Variants in TLK1 observed in about 807,000 individuals in gnomAD.
TLK1 encodes tousled like kinase 1.
TLK1 carries 24 observed loss-of-function variants against 105.3 expected under a neutral mutation model. That is an observed-to-expected ratio of 0.23 (90% confidence interval 0.17 to 0.32). The LOEUF is 0.32. Ranked by LOEUF, TLK1 falls within the 10% of genes least tolerant of loss-of-function variation. TLK1 has a pLI of 1.00. For missense variants in TLK1, 558 were observed against 910.5 expected (o/e 0.61, Z 4.98); for synonymous variants, 321 against 310.4 (o/e 1.03, Z -0.36).
intron 3 of TLK1, among the ~76,000 whole-genome samples, chr2:171,080,544 A>AAATAATAATAATAATAATAATAATAAT (rs71008747): frequency 4.1e-5 from 6 of 145,030 alleles, no homozygotes; most frequent in African/African-American, 1.5e-4. Context: ...AGATACACTA[A>AAATAATAATAATAATAATAATAATAAT]AATAATAATA....
Position 171,007,069 on chromosome 2 carries a change from A to G in TLK1, c.1417-6T>C. 1 of 1,586,970 alleles carries G rather than the reference A, an allele frequency of 6.3e-7. No homozygotes were observed. The highest frequency in any genetic ancestry group is 2.2e-5 in the East Asian group (1 of 44,628). ...TGTTCATAAAGGTCAAAAGCCTAGG[A>G]TTTCAAGTCAAAAACAATTAAGATG... On this transcript the variant is annotated splice_region_variant and splice_polypyrimidine_tract_variant and intron_variant, in intron 14 of 20. Coordinates refer to ENST00000431350, the MANE Select transcript of TLK1 (RefSeq NM_012290.5).
chr2:171,128,474 TAGAA>T (rs1690961351), intron 1 of TLK1, among the ~76,000 whole-genome samples: 1 of 152,170 alleles, frequency 6.6e-6, no homozygotes, highest in Non-Finnish European at 1.5e-5. Flanking sequence ...ATCTGTCACT[TAGAA>T]AGCATTCAAT....
At chr2:171,164,905 G>A (rs1162104874), upstream of TLK1, among the ~76,000 whole-genome samples, 2 of 152,142 alleles carry the variant, frequency 1.3e-5, no homozygotes, top group Admixed American at 6.5e-5. Flanking sequence ...AGGATCACTT[G>A]AGCCTAGGAG....
chr2:171,028,429 C>G, intron 11 of TLK1, 24 bp from the exon 12 acceptor site: 1 of 1,482,642 alleles, frequency 6.7e-7, no homozygotes, highest in Non-Finnish European at 9.4e-7. Context: ...AATTTTAATT[C>G]TACATATTGA....
intron 3 of TLK1, among the ~76,000 whole-genome samples, chr2:171,064,389 GC>G (rs1687894834): frequency 6.6e-6 from 1 of 151,942 alleles, no homozygotes; most frequent in Admixed American, 6.6e-5. Flanking sequence ...TAGTTCGACA[GC>G]TTTTAAAAAA....
chr2:171,003,187 G>A (rs1363282869), intron 18 of TLK1, among the ~76,000 whole-genome samples: 14 of 148,780 alleles, frequency 9.4e-5, no homozygotes, highest in Non-Finnish European at 1.9e-4. Context: ...GGCAGGAAAA[G>A]GGTGTGGACC....
At chr2:171,055,749 A>G (rs1459952712) in intron 6 of TLK1, among the ~76,000 whole-genome samples, 1 of 152,068 alleles carries the variant, frequency 6.6e-6, no homozygotes, top group Non-Finnish European at 1.5e-5. Context: ...GTACAAAATG[A>G]GTAAAACAAA....
At chr2:171,080,820 A>T (rs964876761) in intron 3 of TLK1, among the ~76,000 whole-genome samples, 18 of 150,702 alleles carry the variant, frequency 1.2e-4, no homozygotes, top group African/African-American at 4.4e-4. Flanking sequence ...TTACTGTCCC[A>T]CCTCAGCCTC....
At chr2:171,078,343 G>A (rs1002160982) in intron 3 of TLK1, among the ~76,000 whole-genome samples, 8 of 152,102 alleles carry the variant, frequency 5.3e-5, no homozygotes, top group African/African-American at 1.9e-4. Flanking sequence ...TTTGAGACCA[G>A]CCTGGCCAAC....
chr2:171,090,617 T>G (rs2105489012), intron 2 of TLK1, among the ~76,000 whole-genome samples: 1 of 152,362 alleles, frequency 6.6e-6, no homozygotes, highest in East Asian at 1.9e-4. Context: ...GTATTCACTT[T>G]CTAAAATCAT....
At chr2:171,063,153 C>T (rs1289133332) in intron 3 of TLK1, among the ~76,000 whole-genome samples, 8 of 152,116 alleles carry the variant, frequency 5.3e-5, no homozygotes, top group South Asian at 4.1e-4. Context: ...CTAGACCAGC[C>T]TGGCCAACAT....
rs767071929 is a variant in TLK1, at chr2:171,117,855, C to T, written c.142G>A (p.Ala48Thr). 3.1e-6 allele frequency: 5 copies of T among 1,604,134 alleles called. No individual in the cohort carries two copies. The highest frequency in any genetic ancestry group is 2.2e-5 in the East Asian group (1 of 44,798). Residue 48 changes from alanine to threonine, a missense_variant and splice_region_variant, in exon 2 of 21, where the codon GCA becomes ACA. Ala to Thr is a moderately conservative substitution (Grantham distance 58). Around this residue, in one of 5 missense-constraint regions of TLK1, gnomAD observed 104 missense variants for 116.0 expected, o/e 0.90. Coordinates refer to ENST00000431350, the MANE Select transcript of TLK1 (RefSeq NM_012290.5). Reference sequence around the variant, plus strand: ...TCCAGACTATGAAGCTCATCCATTGCACCTATTAAGAAAAAAAAATATATA... The same window carrying T: ...TCCAGACTATGAAGCTCATCCATTGTACCTATTAAGAAAAAAAAATATATA... ...TPPSGRPREG[A>T]MDELHSLDPR...
At chr2:171,055,019 TGTTA>T (rs1401190523) in intron 7 of TLK1, 60 bp downstream of exon 7, 6 of 906,734 alleles carry the variant, frequency 6.6e-6, no homozygotes, top group African/African-American at 1.8e-5. Context: ...ACATCTTAGT[TGTTA>T]GTAAGTTAGT....
At chr2:171,072,408 G>C (rs1481562013) in intron 3 of TLK1, among the ~76,000 whole-genome samples, 1 of 152,156 alleles carries the variant, frequency 6.6e-6, no homozygotes, top group Non-Finnish European at 1.5e-5. Context: ...GAGGTCAGAA[G>C]TTCGACCAGC....
chr2:171,067,613 CTTTT>C lies in TLK1; in HGVS notation c.331-6461_331-6458del, dbSNP rs146506132. Among the ~76,000 whole-genome samples, 4 of 151,534 alleles carry C rather than the reference CTTTT, an allele frequency of 2.6e-5. No homozygotes were observed. In the South Asian group the frequency reaches 6.3e-4, roughly 24 times the overall value. ...ACTATTTTTCTCTATACCAATACAA[CTTTT>C]TTTTTATTATTATACTTTAAGTTCT... On this transcript the variant is annotated intron_variant, in intron 3 of 20. Coordinates refer to ENST00000431350, the MANE Select transcript of TLK1 (RefSeq NM_012290.5).
intron 1 of TLK1, among the ~76,000 whole-genome samples, chr2:171,217,053 T>C (rs750036560): frequency 6.6e-6 from 1 of 152,202 alleles, no homozygotes; most frequent in Non-Finnish European, 1.5e-5. Context: ...CTGATGCATT[T>C]ATCCTCCCTA....
chr2:171,075,877 G>A (rs973619073), intron 3 of TLK1, among the ~76,000 whole-genome samples: 9 of 152,178 alleles, frequency 5.9e-5, no homozygotes, highest in South Asian at 2.1e-4. Context: ...TTGACTATGT[G>A]CCCTGAAGTT....
upstream of TLK1, among the ~76,000 whole-genome samples, chr2:171,161,159 C>T (rs984966558): frequency 6.8e-6 from 1 of 146,246 alleles, no homozygotes; most frequent in Non-Finnish European, 1.5e-5. Flanking sequence ...GACTCGCGTG[C>T]GCGGGGGCAG....
chr2:171,125,108 C>G (rs1690813985), intron 1 of TLK1, among the ~76,000 whole-genome samples: 1 of 152,180 alleles, frequency 6.6e-6, no homozygotes, highest in Non-Finnish European at 1.5e-5. Context: ...ATTTAATTAA[C>G]TCAACATCAG....
Sources: allele counts gnomAD v4.1 joint callset (sites outside exome capture counted in the v4.1 genomes callset), GRCh38; gene constraint gnomAD v4.1.1; regional missense constraint gnomAD v4.1.1; transcripts MANE v1.5; gene names NCBI Gene and HGNC (gene_info 2026-07-23, HGNC 2026-07-21).